The following HIP1 variants were observed in gnomAD, a reference collection of about 807,000 sequenced individuals.
The protein encoded by HIP1 is huntingtin-interacting protein 1.
A neutral mutation model predicts 147.6 loss-of-function variants in HIP1; 65 were observed. The ratio of observed to expected loss-of-function variants is 0.44; its 90% CI spans 0.36 to 0.54. The LOEUF (loss-of-function observed/expected upper bound fraction) is 0.54. HIP1 is among the 20% of genes least tolerant of loss of function. The pLI, the probability that HIP1 is intolerant of heterozygous loss-of-function variation, is 0.00. For synonymous variants in HIP1, 479 were observed against 504.0 expected, an observed-to-expected ratio of 0.95 and a Z score of 0.67; for missense variants, 1,061 against 1,299.6, an observed-to-expected ratio of 0.82 and a Z score of 2.82.
intron 1 of HIP1, among the ~76,000 whole-genome samples, chr7:75,630,749 C>T (rs1798185410): frequency 6.6e-6 from 1 of 152,152 alleles, no homozygotes; most frequent in South Asian, 2.1e-4. Flanking sequence ...TTGTGCATTG[C>T]ACCACATGTA....
chr7:75,686,265 T>C (rs1441460584), intron 1 of HIP1, among the ~76,000 whole-genome samples: 7 of 152,210 alleles, frequency 4.6e-5, no homozygotes, highest in African/African-American at 1.7e-4. Flanking sequence ...TCTTCCTTTA[T>C]TTATATGCTT....
chr7:75,586,760 T>C lies in HIP1; in HGVS notation c.458A>G (p.His153Arg). ...LKLLRTKMEY[H>R]TKNPRFPGNL... ...CTGTCCGCAGAGACTCACTTTGGTG[T>C]GGTACTCCATCTTGGTTCTTAGCAG... is the stretch of plus-strand genomic sequence containing the variant. The change falls in exon 5 of 31, where the codon CAC becomes CGC. Residue 153 changes from histidine (H) to arginine (R), a missense_variant. His to Arg is a conservative substitution (Grantham distance 29). Coordinates refer to ENST00000336926, the MANE Select transcript of HIP1 (RefSeq NM_005338.7). 2 of 1,609,368 alleles carry C rather than the reference T, an allele frequency of 1.2e-6. No individual in the cohort carries two copies. The highest frequency in any genetic ancestry group is 1.7e-6 in the Non-Finnish European group (2 of 1,175,870).
At chr7:75,575,817 C>T (rs794349) in intron 7 of HIP1, among the ~76,000 whole-genome samples, 12,946 of 152,134 alleles carry the variant, frequency 0.085, 588 homozygotes, top group South Asian at 0.15. Context: ...CCCGCGGTCC[C>T]TCTGTGAGTG....
chr7:75,698,985 G>A (rs1164191515), intron 1 of HIP1, among the ~76,000 whole-genome samples: 1 of 152,074 alleles, frequency 6.6e-6, no homozygotes, highest in African/African-American at 2.4e-5. Context: ...GGCAGTGGGA[G>A]GTCAGGAGTG....
chr7:75,679,673 A>G (rs80157917), intron 1 of HIP1, among the ~76,000 whole-genome samples: 1 of 59,318 alleles, frequency 1.7e-5, no homozygotes, highest in Non-Finnish European at 3.4e-5. Context: ...TTTCTCTATT[A>G]ATTTTCTTGT....
intron 1 of HIP1, among the ~76,000 whole-genome samples, chr7:75,651,249 G>A: frequency 6.6e-6 from 1 of 151,816 alleles, no homozygotes; most frequent in South Asian, 2.1e-4. Context: ...CACGAGGTCA[G>A]GAGTTCGAGA....
chr7:75,735,687 T>C (rs981905099), intron 1 of HIP1, among the ~76,000 whole-genome samples: 2 of 150,034 alleles, frequency 1.3e-5, no homozygotes. Flanking sequence ...CTTTTCTTTT[T>C]CTTTTTCTTT....
chr7:75,677,331 C>T (rs983054064), intron 1 of HIP1, among the ~76,000 whole-genome samples: 7 of 150,006 alleles, frequency 4.7e-5, no homozygotes, highest in East Asian at 4.1e-4. Flanking sequence ...TTCAGCCAGG[C>T]GTGGTGGCTC....
chr7:75,731,830 G>A (rs1259889731), intron 1 of HIP1, among the ~76,000 whole-genome samples: 1 of 152,118 alleles, frequency 6.6e-6, no homozygotes, highest in Non-Finnish European at 1.5e-5. Flanking sequence ...CAGGACCCAC[G>A]GTCACCATCT....
chr7:75,637,977 A>AACCCCC (rs1798483924), intron 1 of HIP1, among the ~76,000 whole-genome samples: 3 of 38,636 alleles, frequency 7.8e-5, no homozygotes, highest in Admixed American at 4.6e-4. Context: ...GCAGACCCAG[A>AACCCCC]CCCCCCCCCC....
chr7:75,552,170 C>T (rs1445283740), intron 22 of HIP1, among the ~76,000 whole-genome samples: 3 of 151,822 alleles, frequency 2.0e-5, no homozygotes, highest in African/African-American at 4.8e-5. Flanking sequence ...GGATTACAGG[C>T]GTGAGCCACC....
At position 75,638,005 on chromosome 7, in the gene HIP1, TAC is replaced by T. The variant is rs372119007; in HGVS notation, c.121-38760_121-38759del. On this transcript the variant is annotated intron_variant, in intron 1 of 30. Transcript: ENST00000336926. The stretch of plus-strand genomic sequence containing the variant: ...CCCCCCCCCCCCCCACACACACACA[TAC>T]ACACACACACACACACACACACACA... 5.5e-3 allele frequency among the ~76,000 whole-genome samples: 241 copies of T among 43,804 alleles called. 1 individual carries two copies. The highest frequency in any genetic ancestry group is 0.027 in the East Asian group (41 of 1,520). The allele number at this position is 43,804 out of a possible 152,430, so 28.7% of individuals were successfully genotyped here. A position where few individuals can be genotyped will look rare whatever the true frequency, so the allele number is the denominator to read the frequency against.
In HIP1 at chr7:75,681,805, C is replaced by T. The variant is rs557427704; in HGVS notation, c.120+56996G>A. On this transcript the variant is annotated intron_variant, in intron 1 of 30. Transcript: ENST00000336926. ...CATGAGCCACAGTGCCTGGCCAGCA[C>T]CTGCTCTTCTTTATGACTGCATCAT... is the stretch of plus-strand genomic sequence containing the variant. 2.2e-3 allele frequency among the ~76,000 whole-genome samples: 334 copies of T among 151,736 alleles called. 2 individuals are homozygous for T. Among genetic ancestry groups the T allele is most frequent in the African/African-American group, 7.6e-3 (313 of 41,380 alleles).
chr7:75,687,824 T>A (rs957880547), intron 1 of HIP1, among the ~76,000 whole-genome samples: 6 of 152,112 alleles, frequency 3.9e-5, no homozygotes, highest in Non-Finnish European at 7.4e-5. Flanking sequence ...GGTGCCTTCC[T>A]CTCTTCCCAG....
chr7:75,655,874 C>T (rs1409390961), intron 1 of HIP1, among the ~76,000 whole-genome samples: 2 of 152,164 alleles, frequency 1.3e-5, no homozygotes, highest in Admixed American at 1.3e-4. Flanking sequence ...AATCCCAGCA[C>T]TCTGGGAGGA....
intron 7 of HIP1, among the ~76,000 whole-genome samples, chr7:75,575,855 TG>T (rs1299695451): frequency 6.6e-6 from 1 of 151,912 alleles, no homozygotes; most frequent in Non-Finnish European, 1.5e-5. Flanking sequence ...AGCCTAGCAC[TG>T]CCTGTATTCC....
At chr7:75,570,239 C>T (rs1191025731) in intron 8 of HIP1, among the ~76,000 whole-genome samples, 8 of 142,084 alleles carry the variant, frequency 5.6e-5, no homozygotes, top group South Asian at 2.3e-4. Context: ...GCCTTAAGTA[C>T]GAACTTTAAT....
intron 1 of HIP1, among the ~76,000 whole-genome samples, chr7:75,729,504 G>A (rs1461422336): frequency 1.3e-5 from 2 of 151,480 alleles, no homozygotes; most frequent in African/African-American, 2.4e-5. Context: ...ACAAAAAAGC[G>A]GCCGGGCGCA....
Position 75,557,708 on chromosome 7 carries a change from C to T in HIP1, c.1527G>A (p.Glu509=), listed in dbSNP as rs782013504. 5 of 1,614,160 alleles carry T rather than the reference C, an allele frequency of 3.1e-6. No homozygotes were observed. The highest frequency in any genetic ancestry group is 4.2e-6 in the Non-Finnish European group (5 of 1,180,022). ...CCAACGAATCCTCCAGCTCTTTTTT[C>T]TCTCGTTCCAAATCTACCTGGGCTT... ...ARQAQVDLER[E]KKELEDSLER... Residue 509 remains glutamate (E), a synonymous_variant, in exon 16 of 31, where the codon GAG becomes GAA. Transcript: ENST00000336926.
Sources: gnomAD v4.1 joint callset for allele counts (sites outside exome capture counted in the v4.1 genomes callset) on GRCh38, gnomAD v4.1.1 for gene constraint, MANE v1.5 for transcripts, NCBI Gene and HGNC (gene_info 2026-07-23, HGNC 2026-07-21) for gene names.